Variants in EBF2 observed in about 807,000 individuals in gnomAD.
The protein encoded by EBF2 is transcription factor COE2.
Under a neutral mutation model 72.8 loss-of-function variants are expected in EBF2, and 21 were observed. That is an observed-to-expected ratio of 0.29 (90% CI 0.20 to 0.42). The LOEUF is 0.42. Ranked by LOEUF, EBF2 falls within the 10% of genes least tolerant of loss-of-function variation. EBF2 has a pLI of 1.00. For synonymous variants in EBF2, 299 were observed against 274.2 expected (o/e 1.09, Z -0.89); for missense variants, 637 against 731.2 (o/e 0.87, Z 1.49).
intron 6 of EBF2, among the ~76,000 whole-genome samples, chr8:26,007,748 C>A (rs1337395735): frequency 6.6e-6 from 1 of 151,912 alleles, no homozygotes; most frequent in African/African-American, 2.4e-5. Flanking sequence ...AGATTTTCAC[C>A]CCTAAAGAAC....
chr8:26,027,231 A>G (rs1805315300), intron 6 of EBF2, among the ~76,000 whole-genome samples: 1 of 152,198 alleles, frequency 6.6e-6, no homozygotes, highest in Non-Finnish European at 1.5e-5. Context: ...ACTGGAGTTA[A>G]GAAACACACT....
chr8:25,853,516 G>A (rs192731273), intron 14 of EBF2, among the ~76,000 whole-genome samples: 60 of 149,802 alleles, frequency 4.0e-4, no homozygotes, highest in African/African-American at 1.4e-3. Context: ...TTAACAGGGC[G>A]GGGAAACATA....
chr8:25,957,257 A>G (rs1329123311), intron 6 of EBF2, among the ~76,000 whole-genome samples: 2 of 152,230 alleles, frequency 1.3e-5, no homozygotes, highest in Non-Finnish European at 2.9e-5. Context: ...TTTGCATATG[A>G]TAATACAGGG....
At chr8:25,878,804 C>T (rs1170090652) in intron 10 of EBF2, among the ~76,000 whole-genome samples, 1 of 152,144 alleles carries the variant, frequency 6.6e-6, no homozygotes, top group Admixed American at 6.5e-5. Context: ...TGTGAATGAA[C>T]AAACTCCTGA....
At chr8:25,998,167 G>A (rs536771598) in intron 6 of EBF2, among the ~76,000 whole-genome samples, 3 of 152,090 alleles carry the variant, frequency 2.0e-5, no homozygotes, top group African/African-American at 4.8e-5. Context: ...TCCCTGGGTC[G>A]TGGCACACTT....
chr8:25,988,682 G>T (rs1158401460), intron 6 of EBF2, among the ~76,000 whole-genome samples: 2 of 152,156 alleles, frequency 1.3e-5, no homozygotes, highest in African/African-American at 2.4e-5. Flanking sequence ...AATTATAAGG[G>T]TAACATTTTA....
At chr8:25,917,404 C>T (rs747429582) in intron 6 of EBF2, among the ~76,000 whole-genome samples, 1 of 152,114 alleles carries the variant, frequency 6.6e-6, no homozygotes, top group Non-Finnish European at 1.5e-5. Context: ...ACACTAAGAG[C>T]ATGTTTGTAA....
At chr8:25,925,794 G>A (rs1480276101) in intron 6 of EBF2, among the ~76,000 whole-genome samples, 2 of 152,058 alleles carry the variant, frequency 1.3e-5, no homozygotes, top group Non-Finnish European at 2.9e-5. Context: ...CAGCCGATCT[G>A]GGGCAAAGGA....
chr8:25,850,271 C>T (rs1457402133), intron 15 of EBF2, among the ~76,000 whole-genome samples: 1 of 152,146 alleles, frequency 6.6e-6, no homozygotes, highest in African/African-American at 2.4e-5. Flanking sequence ...CACAAACACA[C>T]CCAGCTAATT....
At chr8:25,903,199 T>TC (rs1802983385) in intron 7 of EBF2, among the ~76,000 whole-genome samples, 3 of 150,996 alleles carry the variant, frequency 2.0e-5, no homozygotes, top group Admixed American at 6.6e-5. Context: ...TTTTTTTTTT[T>TC]TTTTTTTCCT....
At chr8:25,860,456 C>A (rs761139700) in intron 13 of EBF2, among the ~76,000 whole-genome samples, 24 of 151,772 alleles carry the variant, frequency 1.6e-4, no homozygotes, top group Non-Finnish European at 3.1e-4. Context: ...TTCTATAAGC[C>A]CAAACCCTTC....
intron 6 of EBF2, among the ~76,000 whole-genome samples, chr8:25,986,247 A>G (rs760579043): frequency 2.0e-5 from 3 of 151,970 alleles, no homozygotes; most frequent in Non-Finnish European, 4.4e-5. Context: ...CCCCACCTAG[A>G]ATGCCCTCCA....
chr8:25,924,863 A>C (rs872590), intron 6 of EBF2, among the ~76,000 whole-genome samples: 79,995 of 152,124 alleles, frequency 0.53, 24,218 homozygotes, highest in East Asian at 0.74. Context: ...AATATCAGAG[A>C]AGCCAGGTGA....
rs370600520 is a variant in EBF2 at position 26,041,772 on chromosome 8, A to G, written c.288+323T>C. ...TGCAAAATAATTAAAATTAACCCAG[A>G]GAAGGGGAGCGGCGGCCTTGGGTGT... On this transcript the variant is annotated intron_variant, in intron 2 of 15. Coordinates refer to ENST00000520164, the MANE Select transcript of EBF2 (RefSeq NM_022659.4). 2.0e-5 allele frequency among the ~76,000 whole-genome samples: 3 copies of G among 152,128 alleles called. No homozygotes were observed. In the East Asian group the frequency reaches 5.8e-4, roughly 29 times the overall value.
intron 3 of EBF2, 98 bp from the exon 4 acceptor site, chr8:26,040,769 C>T: frequency 6.7e-7 from 1 of 1,492,810 alleles, no homozygotes; most frequent in South Asian, 1.3e-5. Context: ...AGCAGCCTCT[C>T]CATGCTGAGC....
chr8:26,044,157 C>A lies in EBF2; in HGVS notation c.131+572G>T, dbSNP rs1278963172. Among the ~76,000 whole-genome samples, 1 of 152,244 alleles carries A rather than the reference C, an allele frequency of 6.6e-6. No individual in the cohort carries two copies. Among genetic ancestry groups the A allele is most frequent in the Admixed American group, 6.5e-5 (1 of 15,290 alleles). On this transcript the variant is annotated intron_variant, in intron 1 of 15. Transcript: ENST00000520164. The surrounding 1 kb of genome is among the most constrained non-coding windows in gnomAD (Gnocchi z 4.1). The stretch of plus-strand genomic sequence containing the variant: ...TTATCTTTGAGCCGGGACCCTCCAG[C>A]CTGTCCCCCCTCCCAGAGCTCCCGG...
At chr8:25,942,701 C>T (rs1445162432) in intron 6 of EBF2, among the ~76,000 whole-genome samples, 2 of 152,192 alleles carry the variant, frequency 1.3e-5, no homozygotes, top group Admixed American at 6.5e-5. Context: ...TATCTCGTTT[C>T]CTTGACAGTA....
chr8:25,980,559 C>T (rs184488683), intron 6 of EBF2, among the ~76,000 whole-genome samples: 2 of 152,198 alleles, frequency 1.3e-5, no homozygotes, highest in Middle Eastern at 3.4e-3. Flanking sequence ...CATTCTTTAC[C>T]GAATGGATCC....
chr8:25,907,525 G>A (rs1329228512), intron 7 of EBF2, among the ~76,000 whole-genome samples: 1 of 150,278 alleles, frequency 6.7e-6, no homozygotes, highest in African/African-American at 2.4e-5. Flanking sequence ...TGCCCACAGT[G>A]TGCTGGAAAG....
Sources: gnomAD v4.1 joint callset for allele counts (sites outside exome capture counted in the v4.1 genomes callset) on GRCh38, gnomAD v4.1.1 for gene constraint, Gnocchi (gnomAD v3.1) non-coding constraint, MANE v1.5 for transcripts, NCBI Gene and HGNC (gene_info 2026-07-23, HGNC 2026-07-21) for gene names.